The following PCDH9 variants were observed in gnomAD, a reference collection of about 807,000 sequenced individuals.
PCDH9 encodes protocadherin-9.
PCDH9 carries 24 observed loss-of-function variants against 70.6 expected under a neutral mutation model. The observed-to-expected ratio is 0.34, with a 90% CI of 0.25 to 0.48. The LOEUF (loss-of-function observed/expected upper bound fraction) is 0.48, where lower values mean the gene tolerates loss of function less well. Among genes scored for constraint, PCDH9 ranks in the 20% least tolerant of loss-of-function variants. PCDH9 has a pLI of 0.99. For synonymous variants in PCDH9, 562 were observed against 558.5 expected, an observed-to-expected ratio of 1.01 and a Z score of -0.09; for missense variants, 1,281 against 1,503.6, an observed-to-expected ratio of 0.85 and a Z score of 2.45.
chr13:66,760,099 T>A (rs1340043301), intron 3 of PCDH9, among the ~76,000 whole-genome samples: 2 of 152,200 alleles, frequency 1.3e-5, no homozygotes, highest in Non-Finnish European at 2.9e-5. Context: ...TTCAGAAAGA[T>A]AGCTTTGCAG....
At chr13:67,201,465 A>T (rs1028932303) in intron 2 of PCDH9, 8 of 152,026 alleles carry the variant, frequency 5.3e-5, no homozygotes, top group African/African-American at 1.9e-4. Context: ...GCATCCCTGT[A>T]TGTTACTTAA....
At chr13:66,957,303 C>T (rs750657667) in intron 2 of PCDH9, among the ~76,000 whole-genome samples, 2 of 152,034 alleles carry the variant, frequency 1.3e-5, no homozygotes, top group African/African-American at 2.4e-5. Flanking sequence ...TTTTTTTACA[C>T]TTACTTTTGT....
intron 3 of PCDH9, among the ~76,000 whole-genome samples, chr13:66,871,984 C>T (rs1282330272): frequency 6.6e-6 from 1 of 151,898 alleles, no homozygotes; most frequent in Non-Finnish European, 1.5e-5. Flanking sequence ...ATTCCTTTTA[C>T]ACATTTCCTC....
chr13:66,717,137 T>C (rs2016181704), intron 3 of PCDH9, among the ~76,000 whole-genome samples: 1 of 151,950 alleles, frequency 6.6e-6, no homozygotes, highest in African/African-American at 2.4e-5. Context: ...TCCCAGTTTC[T>C]TACACCATAT....
At chr13:66,600,765 CGTGTGTGTGTGT>C (rs10579707) in intron 4 of PCDH9, among the ~76,000 whole-genome samples, 2 of 132,934 alleles carry the variant, frequency 1.5e-5, no homozygotes, top group African/African-American at 2.7e-5. Context: ...TAATTAAGAA[CGTGTGTGTGTGT>C]GTGTGTGTGT....
At chr13:66,896,047 C>A (rs2082173707) in intron 3 of PCDH9, among the ~76,000 whole-genome samples, 1 of 152,166 alleles carries the variant, frequency 6.6e-6, no homozygotes, top group African/African-American at 2.4e-5. Context: ...AGCCTGCGAC[C>A]AACACTGACA....
chr13:66,486,639 A>AAG (rs201491095), intron 4 of PCDH9, among the ~76,000 whole-genome samples: 2,252 of 21,634 alleles, frequency 0.1, 65 homozygotes, highest in African/African-American at 0.21. Flanking sequence ...CTATCTCAGA[A>AAG]AAAAAAAAAA....
chr13:66,483,408 C>T (rs187327484), intron 4 of PCDH9, among the ~76,000 whole-genome samples: 1 of 152,210 alleles, frequency 6.6e-6, no homozygotes, highest in East Asian at 1.9e-4. Context: ...ACAACCACAC[C>T]TTCACCAATA....
At chr13:67,007,366 A>T (rs1219185172) in intron 2 of PCDH9, among the ~76,000 whole-genome samples, 1 of 152,202 alleles carries the variant, frequency 6.6e-6, no homozygotes, top group Non-Finnish European at 1.5e-5. Context: ...ATCTGTTAAT[A>T]CATTTATGTA....
At chr13:66,565,769 T>C (rs1222415373) in intron 4 of PCDH9, among the ~76,000 whole-genome samples, 1 of 152,188 alleles carries the variant, frequency 6.6e-6, no homozygotes, top group Non-Finnish European at 1.5e-5. Context: ...TCCTCTATAT[T>C]TATATACATT....
rs531745840 is a variant in PCDH9 at position 66,443,227 on chromosome 13, A to G, written c.3341-138199T>C. Among the ~76,000 whole-genome samples, 7 of 152,348 alleles carry G rather than the reference A, an allele frequency of 4.6e-5. No homozygotes were observed. In the East Asian group the frequency reaches 1.3e-3, roughly 29 times the overall value. On this transcript the variant is annotated intron_variant, in intron 4 of 4. Coordinates refer to ENST00000377865, the MANE Select transcript of PCDH9 (RefSeq NM_203487.3). ...CCACAAACTCAATGAACACTTTAGAACAAATTTTCATTCATCTCTGGGACA... is the reference window on the plus strand; with the variant it reads ...CCACAAACTCAATGAACACTTTAGAGCAAATTTTCATTCATCTCTGGGACA...
intron 3 of PCDH9, among the ~76,000 whole-genome samples, chr13:66,838,958 C>G (rs2081070135): frequency 1.3e-5 from 2 of 151,952 alleles, no homozygotes; most frequent in Non-Finnish European, 2.9e-5. Flanking sequence ...TGCAAAGAAA[C>G]TAACTCCCTC....
intron 4 of PCDH9, among the ~76,000 whole-genome samples, chr13:66,496,433 C>T (rs762283448): frequency 3.5e-4 from 53 of 152,168 alleles, no homozygotes; most frequent in Non-Finnish European, 3.7e-4. Flanking sequence ...TGCACTACCA[C>T]ATTCATTTCC....
At chr13:66,415,970 T>G (rs1005383845) in intron 4 of PCDH9, among the ~76,000 whole-genome samples, 1 of 152,202 alleles carries the variant, frequency 6.6e-6, no homozygotes, top group African/African-American at 2.4e-5. Context: ...TTCCTGATTA[T>G]TGTCACAAAT....
chr13:66,837,747 C>T (rs1399419561), intron 3 of PCDH9, among the ~76,000 whole-genome samples: 1 of 152,082 alleles, frequency 6.6e-6, no homozygotes, highest in Non-Finnish European at 1.5e-5. Flanking sequence ...CGTTAAAAAA[C>T]GACCTTTCCA....
At chr13:66,562,860 G>A (rs1475279121) in intron 4 of PCDH9, among the ~76,000 whole-genome samples, 5 of 152,034 alleles carry the variant, frequency 3.3e-5, no homozygotes, top group Non-Finnish European at 7.4e-5. Flanking sequence ...GAAACTAGCA[G>A]TTTATGCTTA....
chr13:66,963,308 G>A (rs1350911721), intron 2 of PCDH9, among the ~76,000 whole-genome samples: 1 of 152,138 alleles, frequency 6.6e-6, no homozygotes, highest in African/African-American at 2.4e-5. Flanking sequence ...AAAATTATAG[G>A]AAAAGGCAAA....
At chr13:66,654,035 T>C (rs2077891921) in intron 3 of PCDH9, among the ~76,000 whole-genome samples, 1 of 151,496 alleles carries the variant, frequency 6.6e-6, no homozygotes, top group South Asian at 2.1e-4. Flanking sequence ...CCCATGTTTA[T>C]TGCAGCACTA....
chr13:66,366,198 T>G, intron 4 of PCDH9, among the ~76,000 whole-genome samples: 1 of 152,046 alleles, frequency 6.6e-6, no homozygotes, highest in East Asian at 1.9e-4. Context: ...TTTAATCCCA[T>G]TAGTTTATTT....
Sources: gnomAD v4.1 joint callset for allele counts (sites outside exome capture counted in the v4.1 genomes callset) on GRCh38, gnomAD v4.1.1 for gene constraint, MANE v1.5 for transcripts, NCBI Gene and HGNC (gene_info 2026-07-23, HGNC 2026-07-21) for gene names.